Variants in TYW1B observed in about 807,000 individuals in gnomAD.
TYW1B encodes the protein S-adenosyl-L-methionine-dependent tRNA 4-demethylwyosine synthase TYW1B.
In TYW1B, 73 loss-of-function variants were observed where a neutral mutation model predicts 86.9. That is an observed-to-expected ratio of 0.84 (90% CI 0.70 to 1.02). The LOEUF is 1.02. Ranked by LOEUF, TYW1B falls within the 50% of genes least tolerant of loss-of-function variation. The pLI is 0.00. For missense variants in TYW1B, 637 were observed against 827.4 expected (o/e 0.77, Z 2.82); for synonymous variants, 248 against 292.8 (o/e 0.85, Z 1.56).
At chr7:72,662,434 G>T (rs73702995) in intron 11 of TYW1B, among the ~76,000 whole-genome samples, 1 of 131,148 alleles carries the variant, frequency 7.6e-6, no homozygotes, top group Admixed American at 7.7e-5. Context: ...TATATAGATA[G>T]ATAGATAGAT....
intron 9 of TYW1B, among the ~76,000 whole-genome samples, chr7:72,717,643 TGA>T (rs1786816032): frequency 8.7e-6 from 1 of 115,262 alleles, no homozygotes; most frequent in African/African-American, 3.5e-5. Flanking sequence ...CAGCTGTGCT[TGA>T]CACACACACA....
intron 7 of TYW1B, among the ~76,000 whole-genome samples, chr7:72,760,543 T>C (rs183616848): frequency 4.6e-5 from 7 of 152,350 alleles, no homozygotes; most frequent in Non-Finnish European, 8.8e-5. Context: ...GCACATGTAT[T>C]GTATGTTGTG....
At chr7:72,663,530 G>A (rs543988112) in intron 11 of TYW1B, among the ~76,000 whole-genome samples, 6 of 151,832 alleles carry the variant, frequency 4.0e-5, no homozygotes, top group East Asian at 3.9e-4. Flanking sequence ...AGGCCGAAGC[G>A]GGCAGATCAC....
intron 13 of TYW1B, among the ~76,000 whole-genome samples, chr7:72,577,962 T>C (rs1180513391): frequency 1.3e-5 from 2 of 152,180 alleles, no homozygotes; most frequent in Non-Finnish European, 2.9e-5. Flanking sequence ...CCACAGGACC[T>C]CACTGTCCTG....
chr7:72,612,283 T>C (rs1291075315), intron 13 of TYW1B, among the ~76,000 whole-genome samples: 1 of 152,098 alleles, frequency 6.6e-6, no homozygotes, highest in African/African-American at 2.4e-5. Flanking sequence ...AATGACCCAC[T>C]GGGACAAAAA....
At chr7:72,779,167 C>A (rs1788005958) in intron 6 of TYW1B, among the ~76,000 whole-genome samples, 1 of 152,234 alleles carries the variant, frequency 6.6e-6, no homozygotes, top group South Asian at 2.1e-4. Context: ...AAATGTCCAG[C>A]CATCCAGCCC....
intron 11 of TYW1B, among the ~76,000 whole-genome samples, chr7:72,632,355 T>TG (rs1491329360): frequency 8.5e-6 from 1 of 117,936 alleles, no homozygotes; most frequent in Admixed American, 1.0e-4. Context: ...ATTATATATA[T>TG]TATATATATA....
intron 13 of TYW1B, among the ~76,000 whole-genome samples, chr7:72,610,703 CT>C (rs1176608845): frequency 8.5e-5 from 13 of 152,190 alleles, no homozygotes; most frequent in Non-Finnish European, 1.9e-4. Context: ...GCTAGAATTC[CT>C]GGACTCAAGT....
At chr7:72,684,411 C>G (rs556879140) in intron 11 of TYW1B, among the ~76,000 whole-genome samples, 1 of 151,990 alleles carries the variant, frequency 6.6e-6, no homozygotes, top group Non-Finnish European at 1.5e-5. Flanking sequence ...AGCAAGGAGA[C>G]GGCAGGGTGA....
intron 2 of TYW1B, among the ~76,000 whole-genome samples, chr7:72,825,901 A>G (rs1788921288): frequency 2.0e-5 from 3 of 152,186 alleles, no homozygotes; most frequent in Admixed American, 1.3e-4. Context: ...CTAACTGGGC[A>G]CAGGAGATGA....
At chr7:72,583,871 T>C (rs1554430016) in intron 13 of TYW1B, among the ~76,000 whole-genome samples, 5 of 152,200 alleles carry the variant, frequency 3.3e-5, no homozygotes, top group Non-Finnish European at 2.9e-5. Flanking sequence ...AAGTGATAGA[T>C]GTGCTTAGGC....
chr7:72,677,314 A>AT (rs536089405), intron 11 of TYW1B, among the ~76,000 whole-genome samples: 360 of 143,674 alleles, frequency 2.5e-3, no homozygotes, highest in Admixed American at 3.9e-3. Context: ...CACCTGGTTG[A>AT]TTTTTTTTTT....
intron 8 of TYW1B, among the ~76,000 whole-genome samples, chr7:72,730,252 G>T (rs1261446569): frequency 6.6e-6 from 1 of 151,662 alleles, no homozygotes; most frequent in African/African-American, 2.4e-5. Flanking sequence ...GAAAATCAAG[G>T]CCTGTAACAG....
At chr7:72,594,521 C>T (rs377485662) in intron 13 of TYW1B, among the ~76,000 whole-genome samples, 62 of 152,224 alleles carry the variant, frequency 4.1e-4, no homozygotes, top group African/African-American at 1.4e-3. Context: ...TTTAAGATCT[C>T]CCTACGAAGA....
intron 6 of TYW1B, among the ~76,000 whole-genome samples, chr7:72,781,870 T>C (rs1366504856): frequency 2.0e-5 from 3 of 152,220 alleles, no homozygotes; most frequent in African/African-American, 7.2e-5. Flanking sequence ...TAAGCACTTA[T>C]GAAAATGGCA....
At chr7:72,609,384 C>T (rs1811877381) in intron 13 of TYW1B, among the ~76,000 whole-genome samples, 1 of 151,780 alleles carries the variant, frequency 6.6e-6, no homozygotes, top group Non-Finnish European at 1.5e-5. Flanking sequence ...CACAGTGGGA[C>T]CCGATCTCAA....
intron 11 of TYW1B, among the ~76,000 whole-genome samples, chr7:72,679,993 T>C (rs1813830556): frequency 6.6e-6 from 1 of 152,164 alleles, no homozygotes; most frequent in Non-Finnish European, 1.5e-5. Context: ...CCGGGCGCAG[T>C]GGCGGACACC....
chr7:72,769,581 A>T (rs1787831711), intron 7 of TYW1B, among the ~76,000 whole-genome samples: 1 of 152,244 alleles, frequency 6.6e-6, no homozygotes, highest in Non-Finnish European at 1.5e-5. Flanking sequence ...ATCCAAATTA[A>T]AATTTTCAAA....
intron 11 of TYW1B, among the ~76,000 whole-genome samples, chr7:72,682,188 T>C: frequency 6.6e-6 from 1 of 152,038 alleles, no homozygotes; most frequent in East Asian, 1.9e-4. Flanking sequence ...TATAATTACT[T>C]ATATAGAAAG....
Sources: allele counts gnomAD v4.1 joint callset (sites outside exome capture counted in the v4.1 genomes callset), GRCh38; gene constraint gnomAD v4.1.1; transcripts MANE v1.5; gene names NCBI Gene and HGNC (gene_info 2026-07-23, HGNC 2026-07-21).